DCP1B: variants seen among roughly 807,000 people sequenced by gnomAD.
DCP1B encodes mRNA-decapping enzyme 1B.
In DCP1B, 47 loss-of-function variants were observed where a neutral mutation model predicts 60.5. The observed-to-expected ratio is 0.78, with a 90% CI of 0.61 to 0.99. The LOEUF is 0.99. Among genes scored for constraint, DCP1B ranks in the 50% least tolerant of loss-of-function variants. The pLI is 0.00. For synonymous variants in DCP1B, 267 were observed against 280.3 expected (o/e 0.95, Z 0.47); for missense variants, 725 against 756.8 (o/e 0.96, Z 0.49).
At chr12:1,996,188 C>T (rs983182776) in intron 2 of DCP1B, among the ~76,000 whole-genome samples, 3 of 152,146 alleles carry the variant, frequency 2.0e-5, no homozygotes, top group Non-Finnish European at 4.4e-5. Context: ...AGAACTAGTG[C>T]GTCCCCATGA....
At chr12:1,997,753 G>A (rs534052865) in intron 2 of DCP1B, among the ~76,000 whole-genome samples, 182 bp downstream of exon 2, 9 of 152,240 alleles carry the variant, frequency 5.9e-5, no homozygotes, top group African/African-American at 1.2e-4. Context: ...TATTCATCAC[G>A]ATATACCAGG....
At chr12:1,996,972 C>T (rs186489367) in intron 2 of DCP1B, among the ~76,000 whole-genome samples, 5 of 152,212 alleles carry the variant, frequency 3.3e-5, no homozygotes, top group African/African-American at 9.6e-5. Context: ...ATCTTTGTAC[C>T]CTCATTGAAG....
rs2154456609 is a variant in DCP1B at position 1,952,885 on chromosome 12, G to A, written c.1055C>T (p.Thr352Ile). The A allele has an allele frequency of 1.9e-6, 3 of 1,614,210 alleles. No individual in the cohort carries two copies. The highest frequency in any genetic ancestry group is 2.5e-6 in the Non-Finnish European group (3 of 1,180,036). The change falls in exon 7 of 9, where the codon ACT (threonine) becomes ATT (isoleucine). Residue 352 changes from threonine to isoleucine, a missense_variant. By Grantham distance (89) the Thr-to-Ile change is moderately conservative. Coordinates refer to ENST00000280665, the MANE Select transcript of DCP1B (RefSeq NM_152640.5). ...TSRGVQNASR[T>I]QNLFEKLQST... The stretch of plus-strand genomic sequence containing the variant: ...CTGAAGTTTCTCGAACAGGTTCTGA[G>A]TTCTGGAAGCATTTTGTACACCACG...
intron 1 of DCP1B, among the ~76,000 whole-genome samples, chr12:2,002,690 G>A (rs1481656948): frequency 6.6e-6 from 1 of 152,180 alleles, no homozygotes; most frequent in Admixed American, 6.5e-5. Context: ...CCAGTGTCAA[G>A]TCAACTTACA....
At chr12:1,967,737 C>T (rs2031368550) in intron 4 of DCP1B, 107 bp downstream of exon 4, 2 of 889,614 alleles carry the variant, frequency 2.2e-6, no homozygotes, top group Admixed American at 5.8e-5. Flanking sequence ...GTGAAAAGGA[C>T]TGCTATGGGA....
At chr12:1,969,241 A>AT (rs1201036252) in intron 3 of DCP1B, among the ~76,000 whole-genome samples, 1 of 152,194 alleles carries the variant, frequency 6.6e-6, no homozygotes, top group Non-Finnish European at 1.5e-5. Context: ...TGGGCATGGA[A>AT]TTTCTGCTTC....
At chr12:1,946,948 G>A (rs1860047) in intron 8 of DCP1B, among the ~76,000 whole-genome samples, 71,542 of 151,884 alleles carry the variant, frequency 0.47, 17,088 homozygotes, top group East Asian at 0.73. Flanking sequence ...CTCCCACTTT[G>A]GCCTCCCCAA....
At chr12:1,954,954 C>G (rs1455342159) in intron 6 of DCP1B, among the ~76,000 whole-genome samples, 1 of 152,168 alleles carries the variant, frequency 6.6e-6, no homozygotes, top group African/African-American at 2.4e-5. Context: ...ACCTCAAACT[C>G]CTAAGCTCAA....
intron 5 of DCP1B, among the ~76,000 whole-genome samples, chr12:1,956,371 C>T (rs79576474): frequency 0.016 from 2,414 of 152,296 alleles, 68 homozygotes; most frequent in African/African-American, 0.053. Context: ...TTCCACTGTA[C>T]AGCCAAGGCC....
intron 4 of DCP1B, among the ~76,000 whole-genome samples, chr12:1,966,981 T>G (rs2031317866): frequency 6.6e-6 from 1 of 152,184 alleles, no homozygotes; most frequent in African/African-American, 2.4e-5. Flanking sequence ...GCAGCAGCCA[T>G]CCTATGTGCT....
At chr12:2,003,245 T>TA (rs559831382) in intron 1 of DCP1B, among the ~76,000 whole-genome samples, 2 of 151,918 alleles carry the variant, frequency 1.3e-5, no homozygotes, top group Non-Finnish European at 2.9e-5. Flanking sequence ...ATGTGGGTGT[T>TA]AAAAAAAATA....
intron 3 of DCP1B, chr12:1,992,423 A>G (rs1313598633): frequency 6.5e-6 from 1 of 153,378 alleles, no homozygotes; most frequent in African/African-American, 2.4e-5. Flanking sequence ...TCTTGAGTTC[A>G]AAGAGTAGGA....
intron 3 of DCP1B, among the ~76,000 whole-genome samples, chr12:1,986,683 C>A (rs1168032759): frequency 6.6e-6 from 1 of 150,820 alleles, no homozygotes; most frequent in Non-Finnish European, 1.5e-5. Flanking sequence ...TTTTTCCTAG[C>A]GTTCTGTGAC....
At chr12:1,943,359 C>T (rs2030326319), downstream of DCP1B, among the ~76,000 whole-genome samples, 3 of 152,312 alleles carry the variant, frequency 2.0e-5, no homozygotes, top group South Asian at 6.2e-4. Flanking sequence ...ACCAGAGGTA[C>T]AAAGAGGAGC....
intron 3 of DCP1B, 109 bp downstream of exon 3, chr12:1,993,155 C>T (rs758850942): frequency 1.4e-6 from 2 of 1,417,450 alleles, no homozygotes; most frequent in Admixed American, 3.3e-5. Flanking sequence ...GCTGACACCC[C>T]CCATAGCCAC....
downstream of DCP1B, among the ~76,000 whole-genome samples, chr12:1,944,210 G>C (rs915410790): frequency 3.9e-5 from 6 of 152,004 alleles, no homozygotes; most frequent in Non-Finnish European, 2.9e-5. Context: ...AAAATACCTA[G>C]GAATACAACT....
chr12:1,946,167 TAGA>T lies in DCP1B; in HGVS notation c.*36_*38del. The T allele has an allele frequency of 3.4e-6, 5 of 1,492,464 alleles. No homozygotes were observed. Among genetic ancestry groups the T allele is most frequent in the Non-Finnish European group, 4.5e-6 (5 of 1,105,160 alleles). The allele number at this position is 1,492,464 out of a possible 1,614,324, so 92.5% of individuals were successfully genotyped here. The stretch of plus-strand genomic sequence containing the variant: ...ATGAAAGAACCTTGTGCCGGAGTTC[TAGA>T]AGGACCTTGAAAATCAGTTTTAAAA... On this transcript the variant is annotated 3_prime_UTR_variant, in exon 9 of 9. Coordinates refer to ENST00000280665, the MANE Select transcript of DCP1B (RefSeq NM_152640.5).
Position 1,993,319 on chromosome 12 carries a change from A to G in DCP1B, c.264T>C (p.Thr88=), listed in dbSNP as rs534743416. Reference sequence around the variant, plus strand: ...CCTGGAGTTGGAAATCCAAGTCTTTAGTAATAGGTTCTGTCCTATTTTCCA... The same window carrying G: ...CCTGGAGTTGGAAATCCAAGTCTTTGGTAATAGGTTCTGTCCTATTTTCCA... ...LSMENRTEPI[T]KDLDFQLQDP... is the part of the protein sequence containing the mutation. The change falls in exon 3 of 9, where the codon ACT becomes ACC. Residue 88 remains threonine, a synonymous_variant. Transcript: ENST00000280665. 12 of 1,614,140 alleles carry G rather than the reference A, an allele frequency of 7.4e-6. No homozygotes were observed. In the South Asian group the frequency reaches 1.3e-4, roughly 18 times the overall value.
chr12:1,985,536 A>G (rs1199573865), intron 3 of DCP1B, among the ~76,000 whole-genome samples: 1 of 152,186 alleles, frequency 6.6e-6, no homozygotes, highest in Non-Finnish European at 1.5e-5. Flanking sequence ...GAGCATGGTA[A>G]TAACTATCTT....
Sources: gnomAD v4.1 joint callset for allele counts (sites outside exome capture counted in the v4.1 genomes callset) on GRCh38, gnomAD v4.1.1 for gene constraint, MANE v1.5 for transcripts, NCBI Gene and HGNC (gene_info 2026-07-23, HGNC 2026-07-21) for gene names.